JAKMIP2: variants seen among roughly 807,000 people sequenced by gnomAD.
The protein encoded by JAKMIP2 is janus kinase and microtubule-interacting protein 2.
A neutral mutation model predicts 115.0 loss-of-function variants in JAKMIP2; 25 were observed. The observed-to-expected ratio is 0.22, with a 90% CI of 0.16 to 0.30. The LOEUF (loss-of-function observed/expected upper bound fraction) is 0.30. Ranked by LOEUF, JAKMIP2 falls within the 10% of genes least tolerant of loss-of-function variation. JAKMIP2 has a pLI of 1.00. For synonymous variants in JAKMIP2, 334 were observed against 343.6 expected (o/e 0.97, Z 0.31); for missense variants, 642 against 957.6 (o/e 0.67, Z 4.35).
chr5:147,639,237 G>A (rs1757767859), intron 10 of JAKMIP2, among the ~76,000 whole-genome samples: 1 of 152,196 alleles, frequency 6.6e-6, no homozygotes, highest in Admixed American at 6.5e-5. Context: ...ATTCTGGTAA[G>A]TTGTCATACG....
At chr5:147,675,974 G>A (rs999225490) in intron 1 of JAKMIP2, among the ~76,000 whole-genome samples, 2 of 151,960 alleles carry the variant, frequency 1.3e-5, no homozygotes, top group Non-Finnish European at 2.9e-5. Context: ...TGTGTAAGTG[G>A]CTTAAGGTCA....
At chr5:147,681,229 A>G (rs1242859220) in intron 1 of JAKMIP2, among the ~76,000 whole-genome samples, 5 of 152,224 alleles carry the variant, frequency 3.3e-5, no homozygotes, top group African/African-American at 1.2e-4. Context: ...AGAGACATCC[A>G]GCCTCTTTAA....
At chr5:147,595,566 T>A (rs1755335536) in intron 21 of JAKMIP2, 1 of 454,562 alleles carries the variant, frequency 2.2e-6, no homozygotes, top group Non-Finnish European at 4.4e-6. Context: ...CTATTACTCA[T>A]AAATTACCTA....
chr5:147,702,600 GAAGGAAAGAAAGAAAGAAAGAAAGAAA>G, intron 1 of JAKMIP2, among the ~76,000 whole-genome samples: 2 of 102,334 alleles, frequency 2.0e-5, no homozygotes, highest in South Asian at 7.0e-4. Context: ...AAGAAAGAAA[GAAGGAAAGAAAGAAAGAAAGAAAGAAA>G]GAAAGAAAGA....
chr5:147,685,289 G>T (rs1760513461), intron 1 of JAKMIP2, among the ~76,000 whole-genome samples: 1 of 152,126 alleles, frequency 6.6e-6, no homozygotes, highest in South Asian at 2.1e-4. Flanking sequence ...TCTCAGTAAG[G>T]GACATTGGAA....
intron 1 of JAKMIP2, among the ~76,000 whole-genome samples, chr5:147,766,385 A>C (rs2127063985): frequency 6.6e-6 from 1 of 152,238 alleles, no homozygotes; most frequent in East Asian, 1.9e-4. Flanking sequence ...GATGTTTTTT[A>C]TCTCTCTCTT....
intron 16 of JAKMIP2, among the ~76,000 whole-genome samples, chr5:147,625,075 G>A (rs1055551121): frequency 6.6e-6 from 1 of 152,026 alleles, no homozygotes; most frequent in East Asian, 1.9e-4. Context: ...CCGCCTCCAG[G>A]TTCAAGCGAT....
At chr5:147,620,528 G>T (rs1324937545) in intron 18 of JAKMIP2, 138 bp downstream of exon 18, 3 of 505,112 alleles carry the variant, frequency 5.9e-6, no homozygotes, top group South Asian at 3.7e-5. Context: ...TATAAAATTA[G>T]ATCTGAAAAC....
chr5:147,689,572 A>T (rs1459214407), intron 1 of JAKMIP2, among the ~76,000 whole-genome samples: 2 of 152,128 alleles, frequency 1.3e-5, no homozygotes. Flanking sequence ...GAATCATGGG[A>T]TCAGTAAGTT....
At chr5:147,712,879 C>T (rs1752836829) in intron 1 of JAKMIP2, among the ~76,000 whole-genome samples, 1 of 152,074 alleles carries the variant, frequency 6.6e-6, no homozygotes, top group African/African-American at 2.4e-5. Context: ...TAAGTAGTAA[C>T]CTTTTAGAGA....
At chr5:147,768,025 A>G (rs1755213981) in intron 1 of JAKMIP2, among the ~76,000 whole-genome samples, 1 of 152,052 alleles carries the variant, frequency 6.6e-6, no homozygotes, top group Non-Finnish European at 1.5e-5. Context: ...TGTAACTAAC[A>G]TTCTTTTTTA....
In JAKMIP2 at chr5:147,644,892, C is replaced by G; in HGVS notation, c.1041G>C (p.Met347Ile). Reference protein sequence around the residue: ...NDELMVSLQRMEEKLKAVTKE... With the variant: ...NDELMVSLQRIEEKLKAVTKE... The stretch of plus-strand genomic sequence containing the variant: ...TGGTAACGGCTTTTAGTTTTTCTTC[C>G]ATGCGCTGCAAGGACACCATCAGTT... Residue 347 changes from methionine (M) to isoleucine (I), a missense_variant, in exon 6 of 22, where the codon ATG (methionine) becomes ATC (isoleucine). This residue lies in a region of JAKMIP2 where 439 missense variants were observed against 570.9 expected (regional missense o/e 0.77). Coordinates refer to ENST00000616793, the MANE Select transcript of JAKMIP2 (RefSeq NM_001270941.2). The G allele has an allele frequency of 6.2e-7, 1 of 1,613,744 alleles. No homozygotes were observed. The highest frequency in any genetic ancestry group is 1.7e-5 in the Admixed American group (1 of 59,990).
Position 147,666,720 on chromosome 5 carries a change from C to T in JAKMIP2, c.129+4958G>A, listed in dbSNP as rs190820010. Among the ~76,000 whole-genome samples, 173 of 152,260 alleles carry T rather than the reference C, an allele frequency of 1.1e-3. 3 individuals are homozygous for T. The highest frequency in any genetic ancestry group is 3.9e-3 in the African/African-American group (163 of 41,554). ...GTTTGCTCTGAAACCTTGGACACCT[C>T]GTATTTGCACCTGAAACCTTGCTTC... On this transcript the variant is annotated intron_variant, in intron 2 of 21. Transcript: ENST00000616793.
intron 3 of JAKMIP2, among the ~76,000 whole-genome samples, chr5:147,659,501 A>C (rs34147729): frequency 0.25 from 38,264 of 151,824 alleles, 6,078 homozygotes; most frequent in East Asian, 0.46. Context: ...CCTCCCCTTC[A>C]CGTTGTTATT....
intron 1 of JAKMIP2, among the ~76,000 whole-genome samples, chr5:147,757,244 C>T (rs569665813): frequency 1.3e-5 from 2 of 152,096 alleles, no homozygotes; most frequent in South Asian, 4.2e-4. Context: ...AAAATGCAAC[C>T]TTCCTGTAAA....
intron 15 of JAKMIP2, among the ~76,000 whole-genome samples, chr5:147,629,219 A>G (rs1757249361): frequency 6.6e-6 from 1 of 152,202 alleles, no homozygotes. Flanking sequence ...CACCAATCAC[A>G]TAGTATCACA....
chr5:147,704,194 T>G (rs1431335817), intron 1 of JAKMIP2, among the ~76,000 whole-genome samples: 1 of 152,130 alleles, frequency 6.6e-6, no homozygotes, highest in Non-Finnish European at 1.5e-5. Context: ...GTATAGCAAA[T>G]ACATAAGCAA....
intron 1 of JAKMIP2, among the ~76,000 whole-genome samples, chr5:147,746,936 C>G (rs1319902818): frequency 1.3e-5 from 2 of 152,112 alleles, no homozygotes; most frequent in African/African-American, 4.8e-5. Flanking sequence ...TAAGCCAGTG[C>G]CCATAAGTTA....
Position 147,770,772 on chromosome 5 carries a change from G to T in JAKMIP2, c.-149+11684C>A, listed in dbSNP as rs943220668. ...AAAATTTTTGTCTTTCTTATTTATTGCTTGAAAAAAGTAGGAAGGAAAACT... is the reference window on the plus strand; with the variant it reads ...AAAATTTTTGTCTTTCTTATTTATTTCTTGAAAAAAGTAGGAAGGAAAACT... On this transcript the variant is annotated intron_variant, in intron 1 of 21. Transcript: ENST00000616793. Among the ~76,000 whole-genome samples, 7 of 151,532 alleles carry T rather than the reference G, an allele frequency of 4.6e-5. No individual in the cohort carries two copies. The East Asian group carries it at 1.4e-3, about 30-fold the overall frequency.
Sources: allele counts gnomAD v4.1 joint callset (sites outside exome capture counted in the v4.1 genomes callset), GRCh38; gene constraint gnomAD v4.1.1; regional missense constraint gnomAD v4.1.1; transcripts MANE v1.5; gene names NCBI Gene and HGNC (gene_info 2026-07-23, HGNC 2026-07-21).